FIRRM: variants seen among roughly 807,000 people sequenced by gnomAD.
FIRRM encodes FIGNL1-interacting regulator of recombination and mitosis.
the FIRRM span, chr1:169,801,002 A>G: frequency 1.8e-6 from 2 of 1,119,988 alleles, no homozygotes; most frequent in Non-Finnish European, 1.3e-6. Context: ...AATACATGTT[A>G]TAAGGAATCT....
the FIRRM span, among the ~76,000 whole-genome samples, chr1:169,822,612 G>A: frequency 6.6e-6 from 1 of 151,992 alleles, no homozygotes; most frequent in Non-Finnish European, 1.5e-5. Flanking sequence ...TGATTCTCCT[G>A]CCTCAGCCTC....
chr1:169,830,228 TA>T, the FIRRM span: 7 of 1,541,670 alleles, frequency 4.5e-6, no homozygotes, highest in Non-Finnish European at 5.3e-6. Flanking sequence ...CTTTAGTATT[TA>T]AATAAATTAA....
At chr1:169,852,969 C>T in the FIRRM span, 2 of 1,613,948 alleles carry the variant, frequency 1.2e-6, no homozygotes, top group Non-Finnish European at 1.7e-6. Flanking sequence ...TAAAACGTTA[C>T]ATACATACTC....
the FIRRM span, chr1:169,837,180 G>T: frequency 7.7e-7 from 1 of 1,302,526 alleles, no homozygotes; most frequent in South Asian, 1.9e-5. Context: ...TTTAGGTACT[G>T]GGGTTAGGTT....
the FIRRM span, among the ~76,000 whole-genome samples, chr1:169,799,246 A>G: frequency 6.6e-6 from 1 of 152,240 alleles, no homozygotes; most frequent in Non-Finnish European, 1.5e-5. Context: ...AGACCTATAT[A>G]AAACATGATA....
chr1:169,850,653 G>T, the FIRRM span: 3 of 212,024 alleles, frequency 1.4e-5, no homozygotes, highest in Admixed American at 1.6e-4. Context: ...AAAATTAGCC[G>T]GGCATGGTGG....
chr1:169,821,125 C>G, the FIRRM span, among the ~76,000 whole-genome samples: 1 of 152,158 alleles, frequency 6.6e-6, no homozygotes, highest in Non-Finnish European at 1.5e-5. Flanking sequence ...TACTTCCTTA[C>G]TAGTGCAGGG....
chr1:169,837,605 T>G, the FIRRM span, among the ~76,000 whole-genome samples: 1 of 152,206 alleles, frequency 6.6e-6, no homozygotes, highest in Non-Finnish European at 1.5e-5. Context: ...GTAGTTGAAA[T>G]TTCGAGTTTA....
chr1:169,850,211 C>G, the FIRRM span: 2 of 1,210,394 alleles, frequency 1.7e-6, no homozygotes, highest in Admixed American at 1.8e-5. Flanking sequence ...ATCTATTTGT[C>G]TTTGCAAGTT....
the FIRRM span, among the ~76,000 whole-genome samples, chr1:169,794,271 C>A: frequency 6.6e-6 from 1 of 152,160 alleles, no homozygotes; most frequent in Non-Finnish European, 1.5e-5. Flanking sequence ...AGAATAACTT[C>A]ACTTCTGTCT....
the FIRRM span, chr1:169,853,029 T>C: frequency 2.5e-6 from 4 of 1,581,860 alleles, no homozygotes; most frequent in Middle Eastern, 3.4e-4. Flanking sequence ...CTTTGTCAAC[T>C]GAAAATACTT....
chr1:169,844,042 C>G, the FIRRM span, among the ~76,000 whole-genome samples: 1 of 152,182 alleles, frequency 6.6e-6, no homozygotes, highest in African/African-American at 2.4e-5. Context: ...CCACTGCAAA[C>G]CCCTGAGGTT....
the FIRRM span, among the ~76,000 whole-genome samples, chr1:169,825,737 T>C: frequency 6.6e-6 from 1 of 152,216 alleles, no homozygotes; most frequent in African/African-American, 2.4e-5. Flanking sequence ...GTCATGTAAC[T>C]AATTGACAGA....
chr1:169,832,456 C>T, the FIRRM span: 5 of 1,613,778 alleles, frequency 3.1e-6, no homozygotes, highest in East Asian at 4.5e-5. Flanking sequence ...ACTCATCAAC[C>T]TATCAATACT....
At chr1:169,843,554 G>GT in the FIRRM span, 1 of 633,580 alleles carries the variant, frequency 1.6e-6, no homozygotes, top group African/African-American at 1.8e-5. Context: ...CATAAATGAG[G>GT]TAATAAATAT....
chr1:169,815,435 G>A, the FIRRM span, among the ~76,000 whole-genome samples: 10 of 152,114 alleles, frequency 6.6e-5, no homozygotes, highest in African/African-American at 1.9e-4. Flanking sequence ...TCTGGGAAAG[G>A]GGTGGGCAAT....
chr1:169,806,251 G>T, the FIRRM span, among the ~76,000 whole-genome samples: 1 of 152,124 alleles, frequency 6.6e-6, no homozygotes, highest in Non-Finnish European at 1.5e-5. Context: ...TAGCTCTCAA[G>T]CCAAATTGGA....
At chr1:169,816,283 C>T in the FIRRM span, among the ~76,000 whole-genome samples, 3 of 152,168 alleles carry the variant, frequency 2.0e-5, no homozygotes, top group East Asian at 3.9e-4. Flanking sequence ...ACATTACCAT[C>T]TCTCTTGTTT....
the FIRRM span, chr1:169,853,991 T>TA: frequency 4.9e-6 from 3 of 617,234 alleles, no homozygotes; most frequent in Non-Finnish European, 5.5e-6. Flanking sequence ...TAAAATCCAG[T>TA]AAAAATCAGT....
Sources: allele counts gnomAD v4.1 joint callset (sites outside exome capture counted in the v4.1 genomes callset), GRCh38; gene constraint gnomAD v4.1.1; transcripts MANE v1.5; gene names NCBI Gene and HGNC (gene_info 2026-07-23, HGNC 2026-07-21).